Variants in NEBL observed in about 807,000 individuals in gnomAD.
The protein encoded by NEBL is nebulette, also known as LIM and SH3 protein 2.
NEBL carries 122 observed loss-of-function variants against 140.2 expected under a neutral mutation model. That is an observed-to-expected ratio of 0.87 (90% CI 0.75 to 1.01). The LOEUF is 1.01. Among genes scored for constraint, NEBL ranks in the 50% least tolerant of loss-of-function variants. NEBL has a pLI of 0.00. For synonymous variants in NEBL, 436 were observed against 398.9 expected, an observed-to-expected ratio of 1.09 and a Z score of -1.11; for missense variants, 1,365 against 1,231.3, an observed-to-expected ratio of 1.11 and a Z score of -1.62.
chr10:20,938,374 G>C (rs1224607580), intron 4 of NEBL, among the ~76,000 whole-genome samples: 1 of 152,206 alleles, frequency 6.6e-6, no homozygotes, highest in Admixed American at 6.5e-5. Context: ...CTGCACCTGA[G>C]GGTCCTGACT....
chr10:21,131,425 C>T lies in NEBL; in HGVS notation c.164+40958G>A, dbSNP rs1433760024. Reference sequence around the variant, plus strand: ...CATTGCCCTAATGCCAAAACCAGACCGAAATTGACCATATTGTATCCTCCA... The same window carrying T: ...CATTGCCCTAATGCCAAAACCAGACTGAAATTGACCATATTGTATCCTCCA... On this transcript the variant is annotated intron_variant, in intron 2 of 6. Coordinates refer to the NEBL transcript ENST00000417816. Among the ~76,000 whole-genome samples, 7 of 152,038 alleles carry T rather than the reference C, an allele frequency of 4.6e-5. No homozygotes were observed. The South Asian group carries it at 6.2e-4, about 14-fold the overall frequency.
intron 2 of NEBL, among the ~76,000 whole-genome samples, chr10:21,127,546 T>C (rs572568196): frequency 6.0e-4 from 90 of 150,468 alleles, no homozygotes; most frequent in African/African-American, 2.1e-3. Flanking sequence ...GCACCAACTA[T>C]ACAGCAATCT....
chr10:20,922,183 A>G (rs1406051207), intron 4 of NEBL, among the ~76,000 whole-genome samples: 2 of 152,066 alleles, frequency 1.3e-5, no homozygotes, highest in Non-Finnish European at 2.9e-5. Flanking sequence ...TGGAATGGCA[A>G]CTCTGCTCTG....
chr10:21,092,521 G>A (rs1836967397), intron 2 of NEBL, among the ~76,000 whole-genome samples: 2 of 151,422 alleles, frequency 1.3e-5, no homozygotes, highest in Admixed American at 6.6e-5. Context: ...TTCTGGCTGT[G>A]TGTTTTATAA....
intron 26 of NEBL, among the ~76,000 whole-genome samples, chr10:20,805,460 A>G (rs1261025892): frequency 6.6e-6 from 1 of 152,128 alleles, no homozygotes; most frequent in Non-Finnish European, 1.5e-5. Flanking sequence ...TCATACCCCA[A>G]TATCTATTTT....
chr10:20,831,556 C>T lies in NEBL; in HGVS notation c.1477G>A (p.Glu493Lys). ...EKDYKRDLET[E>K]IKGKGMQVST... ...ACCTGCATCCCTTTCCCTTTAATTT[C>T]AGTCTCCAGATCTCTTTTATAGTCT... is the stretch of plus-strand genomic sequence containing the variant. The change falls in exon 15 of 28, where the codon GAA (glutamate) becomes AAA (lysine). Residue 493 changes from glutamate (E) to lysine (K), a missense_variant. By Grantham distance (56) the Glu-to-Lys change is moderately conservative. This residue lies in a region of NEBL where 1,323 missense variants were observed against 1,154.8 expected (regional missense o/e 1.15). Coordinates refer to ENST00000377122, the MANE Select transcript of NEBL (RefSeq NM_006393.3). 1 of 1,610,552 alleles carries T rather than the reference C, an allele frequency of 6.2e-7. No homozygotes were observed. The highest frequency in any genetic ancestry group is 8.5e-7 in the Non-Finnish European group (1 of 1,177,458).
Position 21,125,936 on chromosome 10 carries a change from T to A in NEBL, c.164+46447A>T, listed in dbSNP as rs748772960. On this transcript the variant is annotated intron_variant, in intron 2 of 6. Coordinates refer to the NEBL transcript ENST00000417816. ...ATACCTTCTGGTCCCAGAGACAGCCTTGGGGACTTGGCCCAGTTGCCTGGA... is the reference window on the plus strand; with the variant it reads ...ATACCTTCTGGTCCCAGAGACAGCCATGGGGACTTGGCCCAGTTGCCTGGA... The A allele has an allele frequency of 6.2e-6, 10 of 1,614,234 alleles. No individual in the cohort carries two copies. The South Asian group carries it at 8.8e-5, about 14-fold the overall frequency.
chr10:21,138,822 TA>T (rs60213612), intron 2 of NEBL, among the ~76,000 whole-genome samples: 19,508 of 120,022 alleles, frequency 0.16, 1,271 homozygotes, highest in Non-Finnish European at 0.18. Flanking sequence ...CTAAACTATT[TA>T]AAAAAAAAAA....
intron 2 of NEBL, among the ~76,000 whole-genome samples, chr10:21,038,939 G>A (rs1834131257): frequency 6.6e-6 from 1 of 152,014 alleles, no homozygotes; most frequent in Non-Finnish European, 1.5e-5. Flanking sequence ...TTGTGGTTTT[G>A]ATTTGCATTT....
At chr10:21,098,969 C>G (rs1297438640) in intron 2 of NEBL, among the ~76,000 whole-genome samples, 1 of 151,938 alleles carries the variant, frequency 6.6e-6, no homozygotes, top group Non-Finnish European at 1.5e-5. Flanking sequence ...AGAAACCACA[C>G]CCACCAAAAA....
chr10:21,119,130 T>C (rs1347900605), intron 2 of NEBL, among the ~76,000 whole-genome samples: 1 of 152,222 alleles, frequency 6.6e-6, no homozygotes, highest in Non-Finnish European at 1.5e-5. Flanking sequence ...CAGTTTATTT[T>C]TGTGGATACT....
intron 21 of NEBL, 50 bp downstream of exon 21, chr10:20,817,550 T>G: frequency 1.5e-6 from 2 of 1,367,486 alleles, no homozygotes; most frequent in Non-Finnish European, 2.1e-6. Context: ...CATTCACACG[T>G]GGACAATGCA....
At chr10:21,273,770 T>C (rs1037355772) in intron 1 of NEBL, among the ~76,000 whole-genome samples, 2 of 152,202 alleles carry the variant, frequency 1.3e-5, no homozygotes, top group African/African-American at 4.8e-5. Flanking sequence ...TGGATCTCAC[T>C]GTCTGGGACC....
intron 5 of NEBL, among the ~76,000 whole-genome samples, chr10:20,877,286 A>T (rs1845592016): frequency 6.6e-6 from 1 of 152,166 alleles, no homozygotes; most frequent in South Asian, 2.1e-4. Context: ...GAAAATGGAG[A>T]TTTAGAGACA....
rs374233691 is a variant in NEBL, at chr10:20,893,878, G to T, written c.153+3080C>A. On this transcript the variant is annotated intron_variant, in intron 2 of 27. Coordinates refer to ENST00000377122, the MANE Select transcript of NEBL (RefSeq NM_006393.3). The stretch of plus-strand genomic sequence containing the variant: ...ATGGGTCCTAAGCTATCAGCTACAG[G>T]TCAGAAATTAGGAATGAAATGGCTC... 6.6e-5 allele frequency among the ~76,000 whole-genome samples: 10 copies of T among 152,284 alleles called. No homozygotes were observed. The South Asian group carries it at 1.5e-3, about 22-fold the overall frequency.
intron 3 of NEBL, among the ~76,000 whole-genome samples, chr10:21,002,204 T>C (rs1187430584): frequency 6.6e-6 from 1 of 151,914 alleles, no homozygotes; most frequent in African/African-American, 2.4e-5. Flanking sequence ...TTTTTTAAAA[T>C]GTTGATTTAC....
intron 4 of NEBL, among the ~76,000 whole-genome samples, chr10:20,948,652 A>G (rs1457426036): frequency 6.6e-6 from 1 of 152,242 alleles, no homozygotes; most frequent in Non-Finnish European, 1.5e-5. Context: ...AAAGGTTCAC[A>G]GCAGTTGTTA....
At chr10:21,051,983 A>G (rs371151623) in intron 2 of NEBL, among the ~76,000 whole-genome samples, 13 of 152,322 alleles carry the variant, frequency 8.5e-5, no homozygotes, top group African/African-American at 2.9e-4. Context: ...ACCAGCCTGG[A>G]CAACACAGCA....
chr10:21,012,335 A>G (rs912241678), intron 3 of NEBL, among the ~76,000 whole-genome samples: 2 of 152,012 alleles, frequency 1.3e-5, no homozygotes, highest in Admixed American at 6.6e-5. Context: ...TGAAAAATGC[A>G]TTGATTGTGT....
Sources: gnomAD v4.1 joint callset for allele counts (sites outside exome capture counted in the v4.1 genomes callset) on GRCh38, gnomAD v4.1.1 for gene constraint, gnomAD v4.1.1 regional missense constraint, MANE v1.5 for transcripts, NCBI Gene and HGNC (gene_info 2026-07-23, HGNC 2026-07-21) for gene names.